Variants in MFAP3L observed in about 807,000 individuals in gnomAD.
The protein encoded by MFAP3L is microfibril associated protein 3 like, also known as microfibrillar-associated protein 3-like.
MFAP3L carries 5 observed loss-of-function variants against 20.0 expected under a neutral mutation model. The observed-to-expected ratio is 0.25, with a 90% CI of 0.13 to 0.53. MFAP3L has a LOEUF of 0.53. Among genes scored for constraint, MFAP3L ranks in the 20% least tolerant of loss-of-function variants. The probability of loss-of-function intolerance (pLI) is 0.96; values close to 1 mark genes in which losing one functional copy is unlikely to be tolerated. For missense variants in MFAP3L, 409 were observed against 527.5 expected, an observed-to-expected ratio of 0.78 and a Z score of 2.20; for synonymous variants, 219 against 213.0, an observed-to-expected ratio of 1.03 and a Z score of -0.25.
chr4:170,015,340 T>C (rs769635359), intron 1 of MFAP3L, among the ~76,000 whole-genome samples: 4 of 151,840 alleles, frequency 2.6e-5, no homozygotes, highest in Non-Finnish European at 4.4e-5. Context: ...AAGACTGGGG[T>C]TGGAAAAGGG....
intron 1 of MFAP3L, among the ~76,000 whole-genome samples, chr4:170,022,941 G>T (rs553551357): frequency 6.6e-5 from 10 of 152,274 alleles, no homozygotes; most frequent in Non-Finnish European, 1.3e-4. Flanking sequence ...GTATAATCCT[G>T]AATAACCTCC....
chr4:170,001,324 A>G (rs1738600420), intron 2 of MFAP3L, among the ~76,000 whole-genome samples: 2 of 152,202 alleles, frequency 1.3e-5, no homozygotes, highest in Non-Finnish European at 2.9e-5. Context: ...TAGAGGCAAA[A>G]TTTATAATAA....
At chr4:170,020,386 T>C (rs1739953259) in intron 1 of MFAP3L, among the ~76,000 whole-genome samples, 1 of 152,210 alleles carries the variant, frequency 6.6e-6, no homozygotes, top group South Asian at 2.1e-4. Flanking sequence ...CCCTGGGTTA[T>C]GTGCTCATCA....
chr4:170,000,130 A>G (rs1034327284), intron 2 of MFAP3L, among the ~76,000 whole-genome samples: 2 of 152,214 alleles, frequency 1.3e-5, no homozygotes, highest in African/African-American at 4.8e-5. Context: ...TAATTTCCAC[A>G]TACACTGCTT....
At chr4:170,020,736 C>T (rs1481199361) in intron 1 of MFAP3L, among the ~76,000 whole-genome samples, 1 of 151,680 alleles carries the variant, frequency 6.6e-6, no homozygotes, top group Non-Finnish European at 1.5e-5. Flanking sequence ...CACGGCACCA[C>T]CTCCAGCCAC....
intron 2 of MFAP3L, chr4:169,994,278 G>A (rs1399239985): frequency 2.0e-6 from 2 of 985,294 alleles, no homozygotes; most frequent in Non-Finnish European, 1.2e-6. Flanking sequence ...GAATGGTTAG[G>A]ATCAGTTTGT....
chr4:170,013,831 G>GCTC (rs1478895669), intron 1 of MFAP3L, among the ~76,000 whole-genome samples: 6 of 152,130 alleles, frequency 3.9e-5, no homozygotes, highest in Non-Finnish European at 8.8e-5. Flanking sequence ...TGTTACCCAG[G>GCTC]CTGGAGTGCA....
rs1464092580 is a variant in MFAP3L at position 169,992,817 on chromosome 4, T to C, written c.299-508A>G. On this transcript the variant is annotated intron_variant, in intron 2 of 2. Transcript: ENST00000361618. This position sits in a 1 kb window ranked among gnomAD's most constrained non-coding sequence, Gnocchi z 4.3. ...ACTGGGGAGGTTAATGCAATTAAAT[T>C]GTTTACCTGAGTTTCTCAAATTTAA... Among the ~76,000 whole-genome samples, 1 of 152,246 alleles carries C rather than the reference T, an allele frequency of 6.6e-6. No individual in the cohort carries two copies. The highest frequency in any genetic ancestry group is 1.9e-4 in the East Asian group (1 of 5,200).
In MFAP3L at chr4:169,991,762, G is replaced by A. The variant is rs1258115163; in HGVS notation, c.846C>T (p.Asp282=). ...TGGGGATTGTGTAGACCTCATCCCT[G>A]TCTGCGGCCTCCTGGCCCTCTGGAG... ...RHTPEGQEAA[D]RDEVYTIPNS... The change falls in exon 3 of 3, where the codon GAC becomes GAT. Residue 282 remains aspartate (D), a synonymous_variant. Coordinates refer to ENST00000361618, the MANE Select transcript of MFAP3L (RefSeq NM_021647.8). This position sits in a 1 kb window ranked among gnomAD's most constrained non-coding sequence, Gnocchi z 4.9. 6.2e-7 allele frequency: 1 copy of A among 1,613,980 alleles called. No individual in the cohort carries two copies. The highest frequency in any genetic ancestry group is 2.2e-5 in the East Asian group (1 of 44,864).
At chr4:170,005,157 G>T (rs576656098) in intron 2 of MFAP3L, 1 of 174,746 alleles carries the variant, frequency 5.7e-6, no homozygotes, top group South Asian at 1.5e-4. Context: ...TTTCAGAAGT[G>T]TGGTCTTTAA....
chr4:170,012,307 A>G (rs147483100), intron 1 of MFAP3L, among the ~76,000 whole-genome samples: 2 of 152,354 alleles, frequency 1.3e-5, no homozygotes, highest in East Asian at 3.9e-4. Flanking sequence ...TTGAAGTAGT[A>G]CAAGACCTCC....
intron 2 of MFAP3L, among the ~76,000 whole-genome samples, chr4:169,997,117 A>G (rs1231819370): frequency 6.6e-6 from 1 of 152,248 alleles, no homozygotes; most frequent in Non-Finnish European, 1.5e-5. Context: ...CTATTGGGAT[A>G]GATGACTGTT....
rs773671806 is a variant in MFAP3L at position 169,991,332 on chromosome 4, A to G, written c.*46T>C. On this transcript the variant is annotated 3_prime_UTR_variant, in exon 3 of 3. Coordinates refer to ENST00000361618, the MANE Select transcript of MFAP3L (RefSeq NM_021647.8). The surrounding 1 kb of genome is among the most constrained non-coding windows in gnomAD (Gnocchi z 4.9). ...TGCGTACTACATCTGTATTACAAGG[A>G]GCAGCCCCTGATTTTCTTGATATGC... The G allele has an allele frequency of 1.3e-6, 2 of 1,569,256 alleles. No homozygotes were observed. Among genetic ancestry groups the G allele is most frequent in the Non-Finnish European group, 1.7e-6 (2 of 1,154,284 alleles).
chr4:170,005,878 CTTCT>C lies in MFAP3L; in HGVS notation c.-5_-2del, dbSNP rs1739000901. On this transcript the variant is annotated 5_prime_UTR_variant, in exon 2 of 3. Coordinates refer to ENST00000361618, the MANE Select transcript of MFAP3L (RefSeq NM_021647.8). ...TCAGATGGCTCTTCAATCGATCCAT[CTTCT>C]TTGCTTGCTCTGTAAGGCAATAGAG... 1 of 1,612,532 alleles carries C rather than the reference CTTCT, an allele frequency of 6.2e-7. No homozygotes were observed.
At chr4:170,019,966 A>C (rs2111069510) in intron 1 of MFAP3L, among the ~76,000 whole-genome samples, 1 of 152,310 alleles carries the variant, frequency 6.6e-6, no homozygotes, top group African/African-American at 2.4e-5. Flanking sequence ...TCAGTCCAAA[A>C]GCTGAGGGTC....
intron 2 of MFAP3L, among the ~76,000 whole-genome samples, chr4:169,996,477 T>C (rs577773379): frequency 1.5e-4 from 23 of 151,910 alleles, no homozygotes; most frequent in Admixed American, 2.6e-4. Flanking sequence ...AACCACAGCA[T>C]CATGTGGTTA....
chr4:169,991,874 G>A lies in MFAP3L; in HGVS notation c.734C>T (p.Pro245Leu). The stretch of plus-strand genomic sequence containing the variant: ...GATAGTCCTGCAGTTCATAATGAGA[G>A]GCGGCAGAGGCACGCTCCTGGCAAG... Reference protein sequence around the residue: ...EELARSVPLPPLIMNCRTIME... With the variant: ...EELARSVPLPLLIMNCRTIME... The change falls in exon 3 of 3, where the codon CCT (proline) becomes CTT (leucine). Residue 245 changes from proline (P) to leucine (L), a missense_variant. Transcript: ENST00000361618. This position sits in a 1 kb window ranked among gnomAD's most constrained non-coding sequence, Gnocchi z 4.9. 1 of 1,614,132 alleles carries A rather than the reference G, an allele frequency of 6.2e-7. No homozygotes were observed. The highest frequency in any genetic ancestry group is 8.5e-7 in the Non-Finnish European group (1 of 1,180,024).
intron 2 of MFAP3L, among the ~76,000 whole-genome samples, chr4:170,003,001 T>A (rs571718780): frequency 6.6e-6 from 1 of 152,316 alleles, no homozygotes; most frequent in South Asian, 2.1e-4. Context: ...AATAGGCCAT[T>A]CCAGCTCTCA....
At chr4:170,004,848 A>T (rs1360889651) in intron 2 of MFAP3L, 1 of 152,234 alleles carries the variant, frequency 6.6e-6, no homozygotes. Flanking sequence ...CTAGGAAAGC[A>T]GATTAACTCC....
Sources: allele counts gnomAD v4.1 joint callset (sites outside exome capture counted in the v4.1 genomes callset), GRCh38; gene constraint gnomAD v4.1.1; non-coding constraint Gnocchi (gnomAD v3.1); transcripts MANE v1.5; gene names NCBI Gene and HGNC (gene_info 2026-07-23, HGNC 2026-07-21).